The following GALNT18 variants were observed in gnomAD, a reference collection of about 807,000 sequenced individuals.
GALNT18 encodes the protein GalNAc-transferase 18.
Under a neutral mutation model 69.5 loss-of-function variants are expected in GALNT18, and 44 were observed. The observed-to-expected ratio is 0.63, with a 90% confidence interval of 0.50 to 0.81. The LOEUF (loss-of-function observed/expected upper bound fraction) is 0.81, where lower values mean the gene tolerates loss of function less well. GALNT18 is among the 40% of genes least tolerant of loss of function. GALNT18 has a pLI of 0.00. For synonymous variants in GALNT18, 364 were observed against 318.2 expected (o/e 1.14, Z -1.53); for missense variants, 715 against 810.0 (o/e 0.88, Z 1.42).
intron 10 of GALNT18, among the ~76,000 whole-genome samples, chr11:11,283,667 G>C (rs893078761): frequency 6.6e-6 from 1 of 152,138 alleles, no homozygotes; most frequent in Admixed American, 6.5e-5. Context: ...CCCTCCCTCT[G>C]TGGAGGGCAC....
rs1856243422 is a variant in GALNT18 at position 11,470,405 on chromosome 11, A to G, written c.236-21469T>C. ...GGGAATTTCCATCTTAGAAGACAAG[A>G]AGAAGCCCCCTATCCTTCTCCATTT... On this transcript the variant is annotated intron_variant, in intron 1 of 10. Transcript: ENST00000227756. The surrounding 1 kb of genome is among the most constrained non-coding windows in gnomAD (Gnocchi z 4.8). 1.3e-5 allele frequency among the ~76,000 whole-genome samples: 2 copies of G among 152,192 alleles called. No homozygotes were observed. The highest frequency in any genetic ancestry group is 4.1e-4 in the South Asian group (2 of 4,824).
At chr11:11,272,889 C>T (rs977170930) in intron 10 of GALNT18, among the ~76,000 whole-genome samples, 1 of 152,134 alleles carries the variant, frequency 6.6e-6, no homozygotes, top group Non-Finnish European at 1.5e-5. Context: ...ATGACCATTC[C>T]CATAGCAACA....
At chr11:11,476,372 T>C (rs906816795) in intron 1 of GALNT18, 1 of 152,094 alleles carries the variant, frequency 6.6e-6, no homozygotes, top group African/African-American at 2.4e-5. Flanking sequence ...TATTCAGGGA[T>C]ACCCAGAGCT....
chr11:11,515,856 G>A (rs4556537), intron 1 of GALNT18, among the ~76,000 whole-genome samples: 20,400 of 152,248 alleles, frequency 0.13, 1,808 homozygotes, highest in Middle Eastern at 0.18. Context: ...CAGGTAGCAC[G>A]GCCCCATGAG....
intron 1 of GALNT18, among the ~76,000 whole-genome samples, chr11:11,554,753 T>C (rs978629052): frequency 2.0e-5 from 3 of 151,892 alleles, no homozygotes; most frequent in African/African-American, 7.2e-5. Context: ...GCTGATTCCC[T>C]CACATGGCTC....
At chr11:11,274,649 C>T (rs562866534) in intron 10 of GALNT18, among the ~76,000 whole-genome samples, 2 of 152,300 alleles carry the variant, frequency 1.3e-5, no homozygotes, top group Admixed American at 6.5e-5. Flanking sequence ...TTGCTGCACC[C>T]ATCAACCTGT....
At chr11:11,330,316 T>C (rs907317438) in intron 8 of GALNT18, among the ~76,000 whole-genome samples, 1 of 152,240 alleles carries the variant, frequency 6.6e-6, no homozygotes, top group African/African-American at 2.4e-5. Context: ...TCTGGTCTCT[T>C]CATTTTAGGA....
At chr11:11,525,632 CTTTT>C (rs33938067) in intron 1 of GALNT18, among the ~76,000 whole-genome samples, 2 of 118,656 alleles carry the variant, frequency 1.7e-5, no homozygotes, top group Admixed American at 9.3e-5. Context: ...GTGCATATTA[CTTTT>C]TTTTTTTTTT....
At chr11:11,278,165 C>G (rs1272033956) in intron 10 of GALNT18, among the ~76,000 whole-genome samples, 2 of 151,954 alleles carry the variant, frequency 1.3e-5, no homozygotes, top group East Asian at 3.9e-4. Flanking sequence ...TAAGAACTTG[C>G]TTTAATAATC....
intron 3 of GALNT18, among the ~76,000 whole-genome samples, chr11:11,414,907 G>T (rs1002391863): frequency 2.0e-5 from 3 of 152,168 alleles, no homozygotes; most frequent in Admixed American, 2.0e-4. Context: ...GGGTTTCATT[G>T]GGCTGAAATC....
In GALNT18 at chr11:11,559,257, C is replaced by T. The variant is rs1858405961; in HGVS notation, c.235+62102G>A. ...CTCCAAGAAGCCTCTTCCGACCACC[C>T]CCTCCACTGTCACATTCTCCTCTAG... On this transcript the variant is annotated intron_variant, in intron 1 of 10. Transcript: ENST00000227756. Among the ~76,000 whole-genome samples the T allele has an allele frequency of 4.6e-5, 7 of 152,308 alleles. No homozygotes were observed. In the South Asian group the frequency reaches 1.5e-3, roughly 32 times the overall value.
chr11:11,385,547 G>T (rs574798281), intron 3 of GALNT18, among the ~76,000 whole-genome samples: 2 of 152,122 alleles, frequency 1.3e-5, no homozygotes, highest in South Asian at 2.1e-4. Context: ...TGCCCGCCTC[G>T]GCCTCCCAAA....
At chr11:11,501,723 T>C (rs920231786) in intron 1 of GALNT18, among the ~76,000 whole-genome samples, 9 of 152,194 alleles carry the variant, frequency 5.9e-5, no homozygotes, top group Non-Finnish European at 1.2e-4. Context: ...CTATTACTCA[T>C]ATCAGCCATC....
At chr11:11,529,364 A>C (rs897986834) in intron 1 of GALNT18, among the ~76,000 whole-genome samples, 1 of 152,180 alleles carries the variant, frequency 6.6e-6, no homozygotes, top group Non-Finnish European at 1.5e-5. Context: ...TCTGTGAATG[A>C]GTGAACCCCT....
intron 2 of GALNT18, among the ~76,000 whole-genome samples, chr11:11,442,992 T>C (rs554918436): frequency 4.5e-4 from 68 of 152,084 alleles, no homozygotes; most frequent in African/African-American, 1.6e-3. Flanking sequence ...GGCCATAGAG[T>C]TGCCATGGAA....
At position 11,415,511 on chromosome 11, in the gene GALNT18, A is replaced by G. The variant is rs1380365031; in HGVS notation, c.595+17110T>C. ...TAAAGAAATACATAAGTAAAAACAA[A>G]AAGAGTCTAGTGGGAAATATGAGAA... On this transcript the variant is annotated intron_variant, in intron 3 of 10. Transcript: ENST00000227756. The surrounding 1 kb of genome is among the most constrained non-coding windows in gnomAD (Gnocchi z 4.1). Among the ~76,000 whole-genome samples, 1 of 152,122 alleles carries G rather than the reference A, an allele frequency of 6.6e-6. No individual in the cohort carries two copies. Among genetic ancestry groups the G allele is most frequent in the Admixed American group, 6.5e-5 (1 of 15,286 alleles).
At position 11,584,415 on chromosome 11, in the gene GALNT18, T is replaced by C. The variant is rs1390460216; in HGVS notation, c.235+36944A>G. 1.3e-5 allele frequency among the ~76,000 whole-genome samples: 2 copies of C among 152,170 alleles called. No individual in the cohort carries two copies. Among genetic ancestry groups the C allele is most frequent in the Non-Finnish European group, 2.9e-5 (2 of 68,032 alleles). On this transcript the variant is annotated intron_variant, in intron 1 of 10. Coordinates refer to ENST00000227756, the MANE Select transcript of GALNT18 (RefSeq NM_198516.3). This position sits in a 1 kb window ranked among gnomAD's most constrained non-coding sequence, Gnocchi z 4.1. Reference sequence around the variant, plus strand: ...AGCCATCAGGTTACTGTTGGAAAGCTGATGGGAGATGCCGTAAGAGAAATG... The same window carrying C: ...AGCCATCAGGTTACTGTTGGAAAGCCGATGGGAGATGCCGTAAGAGAAATG...
Position 11,342,755 on chromosome 11 carries a change from C to A in GALNT18, c.1093-1751G>T, listed in dbSNP as rs187688374. Among the ~76,000 whole-genome samples, 8 of 152,336 alleles carry A rather than the reference C, an allele frequency of 5.3e-5. No homozygotes were observed. The East Asian group carries it at 1.5e-3, about 29-fold the overall frequency. Reference sequence around the variant, plus strand: ...GTTATGAACAGGGCTGGCCATGAGACTACTCAGGTTCACATCCTGGCTCTG... The same window carrying A: ...GTTATGAACAGGGCTGGCCATGAGAATACTCAGGTTCACATCCTGGCTCTG... On this transcript the variant is annotated intron_variant, in intron 6 of 10. Transcript: ENST00000227756.
Position 11,592,733 on chromosome 11 carries a change from G to A in GALNT18, c.235+28626C>T, listed in dbSNP as rs1859388722. Among the ~76,000 whole-genome samples, 1 of 152,164 alleles carries A rather than the reference G, an allele frequency of 6.6e-6. No homozygotes were observed. Among genetic ancestry groups the A allele is most frequent in the South Asian group, 2.1e-4 (1 of 4,828 alleles). On this transcript the variant is annotated intron_variant, in intron 1 of 10. Coordinates refer to ENST00000227756, the MANE Select transcript of GALNT18 (RefSeq NM_198516.3). This position sits in a 1 kb window ranked among gnomAD's most constrained non-coding sequence, Gnocchi z 5.9. ...TGAAAAGCCAAAAAACAGGAAAGGG[G>A]CTGATTTATTAGGCAGTCTGGGGCC...
Sources: allele counts gnomAD v4.1 joint callset (sites outside exome capture counted in the v4.1 genomes callset), GRCh38; gene constraint gnomAD v4.1.1; non-coding constraint Gnocchi (gnomAD v3.1); transcripts MANE v1.5; gene names NCBI Gene and HGNC (gene_info 2026-07-23, HGNC 2026-07-21).